Variants in PPP4R2 observed in about 807,000 individuals in gnomAD.
PPP4R2 encodes protein phosphatase 4 regulatory subunit 2.
PPP4R2 carries 13 observed loss-of-function variants against 47.2 expected under a neutral mutation model. That is an observed-to-expected ratio of 0.28 (90% confidence interval 0.18 to 0.44). The LOEUF (loss-of-function observed/expected upper bound fraction) is 0.44, where lower values mean the gene tolerates loss of function less well. Among genes scored for constraint, PPP4R2 ranks in the 20% least tolerant of loss-of-function variants. PPP4R2 has a pLI of 1.00. For missense variants in PPP4R2, 421 were observed against 491.2 expected (o/e 0.86, Z 1.35); for synonymous variants, 151 against 163.3 (o/e 0.92, Z 0.57).
chr3:73,064,700 G>C (rs1197401339), intron 7 of PPP4R2, 152 bp from the exon 8 acceptor site: 2 of 711,804 alleles, frequency 2.8e-6, no homozygotes, highest in Non-Finnish European at 4.7e-6. Context: ...AGTTTACCTT[G>C]AAATTATTCT....
intron 2 of PPP4R2, among the ~76,000 whole-genome samples, chr3:73,035,875 C>T (rs1346842939): frequency 6.6e-6 from 1 of 152,146 alleles, no homozygotes; most frequent in Non-Finnish European, 1.5e-5. Context: ...CTCTGCCTCC[C>T]AAAGTGCTGG....
At chr3:73,033,534 C>T (rs1702207184) in intron 2 of PPP4R2, among the ~76,000 whole-genome samples, 1 of 152,178 alleles carries the variant, frequency 6.6e-6, no homozygotes, top group South Asian at 2.1e-4. Flanking sequence ...GCAAAACATG[C>T]ATAAAATGAA....
At chr3:73,065,249 A>T (rs971539773) in intron 8 of PPP4R2, 108 bp downstream of exon 8, 2 of 1,325,374 alleles carry the variant, frequency 1.5e-6, no homozygotes, top group African/African-American at 1.5e-5. Flanking sequence ...TATAATGCTG[A>T]TGTTGGGCTT....
In PPP4R2 at chr3:73,067,053, TGTAAA is replaced by T. The variant is rs1375474239; in HGVS notation, c.*1335_*1339del. On this transcript the variant is annotated 3_prime_UTR_variant, in exon 9 of 9. Transcript: ENST00000356692. Reference sequence around the variant, plus strand: ...TTGATATTTAAAGTTTTTAAATTTCTGTAAAGTAGATTTTGTAGAATGTAATGTGT... The same window carrying T: ...TTGATATTTAAAGTTTTTAAATTTCTGTAGATTTTGTAGAATGTAATGTGT... 1 of 152,156 alleles carries T rather than the reference TGTAAA, an allele frequency of 6.6e-6. No homozygotes were observed. The highest frequency in any genetic ancestry group is 1.5e-5 in the Non-Finnish European group (1 of 67,970). 9.4% of individuals were successfully genotyped at this position (152,156 alleles called of 1,614,324 possible).
intron 3 of PPP4R2, among the ~76,000 whole-genome samples, chr3:73,055,128 G>A (rs1285425893): frequency 1.3e-5 from 2 of 152,266 alleles, no homozygotes; most frequent in African/African-American, 2.4e-5. Context: ...TATTTTTAAA[G>A]ACAGACCTAT....
intron 2 of PPP4R2, among the ~76,000 whole-genome samples, chr3:73,004,948 TGTGTGTGTGTG>T (rs1559546010): frequency 6.6e-4 from 21 of 31,968 alleles, no homozygotes; most frequent in African/African-American, 1.9e-3. Flanking sequence ...CGGAGTCGTG[TGTGTGTGTGTG>T]TGTGTGTGTG....
At chr3:73,061,378 C>T (rs1240785967) in intron 5 of PPP4R2, 1 of 170,006 alleles carries the variant, frequency 5.9e-6, no homozygotes, top group Non-Finnish European at 1.2e-5. Context: ...GTCTCTAGGG[C>T]ATAATTCCCA....
Position 73,066,245 on chromosome 3 carries a change from T to C in PPP4R2, c.*523T>C, listed in dbSNP as rs1403180853. On this transcript the variant is annotated 3_prime_UTR_variant, in exon 9 of 9. Coordinates refer to ENST00000356692, the MANE Select transcript of PPP4R2 (RefSeq NM_174907.4). ...TTTAAGTCATATATACATACATATA[T>C]ATATATATATATATATAATTCTAAG... The C allele has an allele frequency of 2.0e-5, 3 of 146,572 alleles. No homozygotes were observed. Among genetic ancestry groups the C allele is most frequent in the African/African-American group, 7.4e-5 (3 of 40,524 alleles). The allele number at this position is 146,572 out of a possible 1,614,324, so 9.1% of individuals were successfully genotyped here.
intron 2 of PPP4R2, among the ~76,000 whole-genome samples, chr3:73,007,582 A>G (rs945608665): frequency 6.7e-6 from 1 of 149,768 alleles, no homozygotes; most frequent in Non-Finnish European, 1.5e-5. Context: ...TCAAGCTCCC[A>G]GGTTCAAGCG....
At chr3:73,048,619 G>A (rs1047872853) in intron 3 of PPP4R2, among the ~76,000 whole-genome samples, 2 of 152,164 alleles carry the variant, frequency 1.3e-5, no homozygotes, top group Non-Finnish European at 2.9e-5. Flanking sequence ...TGAATTATTC[G>A]ATATTTAGTT....
chr3:73,060,929 T>G (rs1178899415), intron 4 of PPP4R2, 94 bp from the exon 5 acceptor site: 5 of 801,282 alleles, frequency 6.2e-6, no homozygotes, highest in Non-Finnish European at 7.5e-6. Context: ...CAATGGGAAT[T>G]TAACCCACCA....
At chr3:73,034,534 A>G (rs936286042) in intron 2 of PPP4R2, among the ~76,000 whole-genome samples, 12 of 152,110 alleles carry the variant, frequency 7.9e-5, no homozygotes, top group African/African-American at 2.7e-4. Context: ...GCAGCAAGCT[A>G]TAGTTTTGTT....
At chr3:73,060,936 A>T in intron 4 of PPP4R2, 87 bp from the exon 5 acceptor site, 1 of 872,200 alleles carries the variant, frequency 1.1e-6, no homozygotes, top group Non-Finnish European at 1.7e-6. Flanking sequence ...AATTTAACCC[A>T]CCAGAGTGAT....
At position 73,018,800 on chromosome 3, in the gene PPP4R2, A is replaced by G; in HGVS notation, c.116+20642A>G. ...CAACTTGTCTTTTAAGACTGTTCAG[A>G]TGGCCCCCATTCAAATATATATTAT... is the stretch of plus-strand genomic sequence containing the variant. On this transcript the variant is annotated intron_variant, in intron 2 of 8. Transcript: ENST00000356692. Among the ~76,000 whole-genome samples the G allele has an allele frequency of 2.0e-5, 3 of 152,288 alleles. No homozygotes were observed. The South Asian group carries it at 6.2e-4, about 32-fold the overall frequency.
At position 73,062,662 on chromosome 3, in the gene PPP4R2, C is replaced by G; in HGVS notation, c.420-1011C>G. On this transcript the variant is annotated intron_variant, in intron 5 of 8. Coordinates refer to ENST00000356692, the MANE Select transcript of PPP4R2 (RefSeq NM_174907.4). ...TGCTGTGACCTTTTGATAGGCATTG[C>G]GGCTGGATCAAGTGATAAGATTTGC... 3 of 1,613,916 alleles carry G rather than the reference C, an allele frequency of 1.9e-6. No homozygotes were observed. The African/African-American group carries it at 4.0e-5, about 22-fold the overall frequency.
At chr3:73,051,635 T>G (rs1288634389) in intron 3 of PPP4R2, among the ~76,000 whole-genome samples, 5 of 152,150 alleles carry the variant, frequency 3.3e-5, no homozygotes, top group Admixed American at 6.5e-5. Flanking sequence ...TGTTTGTTTG[T>G]TTGGTTTTCG....
At chr3:73,020,487 C>G (rs890299280) in intron 2 of PPP4R2, among the ~76,000 whole-genome samples, 16 of 151,894 alleles carry the variant, frequency 1.1e-4, no homozygotes, top group African/African-American at 3.6e-4. Context: ...ACATAACATG[C>G]TGAAACCCTG....
chr3:73,041,679 C>T (rs946677574), intron 2 of PPP4R2, among the ~76,000 whole-genome samples: 1 of 152,186 alleles, frequency 6.6e-6, no homozygotes, highest in Non-Finnish European at 1.5e-5. Context: ...CTTTGTTGTG[C>T]TCTTAGTGTT....
chr3:73,020,065 A>C lies in PPP4R2; in HGVS notation c.116+21907A>C, dbSNP rs1388142669. Among the ~76,000 whole-genome samples, 3 of 152,222 alleles carry C rather than the reference A, an allele frequency of 2.0e-5. No homozygotes were observed. The South Asian group carries it at 6.2e-4, about 32-fold the overall frequency. ...ATTTACTGTCTTAGCTTGGGATGCT[A>C]TAACAAAATACCATTGACTTGGTGA... On this transcript the variant is annotated intron_variant, in intron 2 of 8. Coordinates refer to ENST00000356692, the MANE Select transcript of PPP4R2 (RefSeq NM_174907.4).
Sources: allele counts gnomAD v4.1 joint callset (sites outside exome capture counted in the v4.1 genomes callset), GRCh38; gene constraint gnomAD v4.1.1; transcripts MANE v1.5; gene names NCBI Gene and HGNC (gene_info 2026-07-23, HGNC 2026-07-21).